Variants in EXOC6B observed in about 807,000 individuals in gnomAD.
EXOC6B encodes the protein exocyst complex component 6B, also known as SEC15 homolog B.
EXOC6B carries 54 observed loss-of-function variants against 113.5 expected under a neutral mutation model. The observed-to-expected ratio is 0.48, with a 90% CI of 0.38 to 0.60. The LOEUF is 0.60. Ranked by LOEUF, EXOC6B falls within the 20% of genes least tolerant of loss-of-function variation. EXOC6B has a pLI of 0.00. For synonymous variants in EXOC6B, 357 were observed against 339.0 expected, an observed-to-expected ratio of 1.05 and a Z score of -0.58; for missense variants, 797 against 977.5, an observed-to-expected ratio of 0.82 and a Z score of 2.46.
intron 6 of EXOC6B, among the ~76,000 whole-genome samples, chr2:72,678,661 G>A (rs1017222651): frequency 7.9e-5 from 12 of 152,232 alleles, no homozygotes; most frequent in East Asian, 1.9e-4. Flanking sequence ...AGCCAAGATC[G>A]TGCCACTGCC....
intron 6 of EXOC6B, among the ~76,000 whole-genome samples, chr2:72,699,733 A>C (rs867355316): frequency 6.6e-6 from 1 of 152,172 alleles, no homozygotes; most frequent in South Asian, 2.1e-4. Context: ...GTACTGAAAA[A>C]CAGATAATCA....
chr2:72,281,417 T>A (rs753568310), intron 20 of EXOC6B, among the ~76,000 whole-genome samples: 1 of 152,084 alleles, frequency 6.6e-6, no homozygotes, highest in Non-Finnish European at 1.5e-5. Context: ...AAATAGACTT[T>A]AAAATAGAGA....
chr2:72,445,718 C>T (rs1012989392), intron 18 of EXOC6B, among the ~76,000 whole-genome samples: 8 of 152,094 alleles, frequency 5.3e-5, no homozygotes, highest in Non-Finnish European at 1.0e-4. Flanking sequence ...AAGACCTGTC[C>T]CCATGTTCCA....
intron 8 of EXOC6B, among the ~76,000 whole-genome samples, chr2:72,548,526 T>G (rs563556211): frequency 6.6e-6 from 1 of 152,184 alleles, no homozygotes; most frequent in Admixed American, 6.5e-5. Flanking sequence ...TATGTTATGA[T>G]CCTTCCGTTG....
chr2:72,603,126 AG>A (rs1670532161), intron 6 of EXOC6B, among the ~76,000 whole-genome samples: 1 of 147,226 alleles, frequency 6.8e-6, no homozygotes, highest in Non-Finnish European at 1.5e-5. Flanking sequence ...CTTTACCACC[AG>A]GGAATATCAA....
intron 20 of EXOC6B, among the ~76,000 whole-genome samples, chr2:72,234,577 C>T (rs140758538): frequency 1.6e-4 from 24 of 152,164 alleles, no homozygotes; most frequent in African/African-American, 4.6e-4. Flanking sequence ...CCAAATTAAA[C>T]TAAAGAGCTT....
At chr2:72,405,781 G>C (rs1459248968) in intron 18 of EXOC6B, among the ~76,000 whole-genome samples, 3 of 152,186 alleles carry the variant, frequency 2.0e-5, no homozygotes, top group Non-Finnish European at 4.4e-5. Flanking sequence ...ATGCTAGGAA[G>C]AAACTGCATC....
intron 1 of EXOC6B, among the ~76,000 whole-genome samples, chr2:72,772,600 C>T (rs1231153620): frequency 2.0e-5 from 3 of 152,046 alleles, no homozygotes; most frequent in Admixed American, 1.3e-4. Context: ...TCCCCATGAC[C>T]CCAGAATCCA....
intron 5 of EXOC6B, among the ~76,000 whole-genome samples, chr2:72,720,200 C>CA: frequency 6.6e-6 from 1 of 151,598 alleles, no homozygotes; most frequent in East Asian, 1.9e-4. Flanking sequence ...AAATATATAA[C>CA]ACAAAAGAAA....
intron 18 of EXOC6B, among the ~76,000 whole-genome samples, chr2:72,454,501 TCAACAA>T (rs925449628): frequency 6.6e-6 from 1 of 151,568 alleles, no homozygotes; most frequent in Non-Finnish European, 1.5e-5. Context: ...TGAGACTATC[TCAACAA>T]CAACAACAAC....
At chr2:72,218,312 T>A (rs1337551080) in intron 20 of EXOC6B, among the ~76,000 whole-genome samples, 1 of 152,198 alleles carries the variant, frequency 6.6e-6, no homozygotes, top group Non-Finnish European at 1.5e-5. Context: ...AAGCATAAAG[T>A]CATTTACAGT....
At chr2:72,444,307 G>A (rs568622387) in intron 18 of EXOC6B, among the ~76,000 whole-genome samples, 4 of 152,332 alleles carry the variant, frequency 2.6e-5, no homozygotes, top group African/African-American at 7.2e-5. Context: ...CTGTGGCTTT[G>A]CAGAGTACAG....
intron 20 of EXOC6B, chr2:72,288,870 T>C (rs1427561874): frequency 4.6e-6 from 1 of 218,118 alleles, no homozygotes; most frequent in African/African-American, 2.4e-5. Flanking sequence ...ATGGTTACAT[T>C]GGTGAATTTA....
intron 20 of EXOC6B, among the ~76,000 whole-genome samples, chr2:72,239,962 C>G (rs1682201650): frequency 6.6e-6 from 1 of 151,930 alleles, no homozygotes; most frequent in Non-Finnish European, 1.5e-5. Flanking sequence ...TTCATTGCTA[C>G]TGTACAGAAA....
intron 1 of EXOC6B, among the ~76,000 whole-genome samples, chr2:72,743,322 A>G (rs899592553): frequency 8.5e-5 from 13 of 152,144 alleles, no homozygotes; most frequent in South Asian, 8.3e-4. Flanking sequence ...ATCAGAATTA[A>G]AATCTTGATT....
intron 20 of EXOC6B, among the ~76,000 whole-genome samples, chr2:72,303,150 A>G (rs1255972014): frequency 6.6e-6 from 1 of 151,922 alleles, no homozygotes; most frequent in Non-Finnish European, 1.5e-5. Flanking sequence ...TAGGCCTCCA[A>G]TCTCTTCTGG....
chr2:72,324,929 C>G (rs912580620), intron 20 of EXOC6B, among the ~76,000 whole-genome samples: 3 of 152,170 alleles, frequency 2.0e-5, no homozygotes, highest in Non-Finnish European at 2.9e-5. Flanking sequence ...AAACACAACT[C>G]TCTGCTAACC....
At chr2:72,712,097 C>T (rs1403866104) in intron 6 of EXOC6B, among the ~76,000 whole-genome samples, 1 of 152,138 alleles carries the variant, frequency 6.6e-6, no homozygotes, top group African/African-American at 2.4e-5. Context: ...TATTTTTCTG[C>T]AGCTTCCCAG....
chr2:72,545,685 T>C (rs1159994671), intron 8 of EXOC6B, among the ~76,000 whole-genome samples: 1 of 152,224 alleles, frequency 6.6e-6, no homozygotes, highest in East Asian at 1.9e-4. Flanking sequence ...CAAAGTGTTA[T>C]ATAAAATCCA....
Sources: allele counts gnomAD v4.1 joint callset (sites outside exome capture counted in the v4.1 genomes callset), GRCh38; gene constraint gnomAD v4.1.1; transcripts MANE v1.5; gene names NCBI Gene and HGNC (gene_info 2026-07-23, HGNC 2026-07-21).